The following TENM3 variants were observed in gnomAD, a reference collection of about 807,000 sequenced individuals.
The protein encoded by TENM3 is teneurin transmembrane protein 3, also known as teneurin-3.
In TENM3, 63 loss-of-function variants were observed where a neutral mutation model predicts 255.1. That is an observed-to-expected ratio of 0.25 (90% confidence interval 0.20 to 0.30). The LOEUF is 0.30. Among genes scored for constraint, TENM3 ranks in the 10% least tolerant of loss-of-function variants. The pLI is 1.00. For synonymous variants in TENM3, 1,306 were observed against 1,322.3 expected, an observed-to-expected ratio of 0.99 and a Z score of 0.27; for missense variants, 2,929 against 3,461.1, an observed-to-expected ratio of 0.85 and a Z score of 3.86.
chr4:181,873,098 C>T, the TENM3 span, among the ~76,000 whole-genome samples: 164 of 151,526 alleles, frequency 1.1e-3, 1 homozygote, highest in Non-Finnish European at 1.4e-3. Flanking sequence ...GATGGAGTAT[C>T]GCTTTGTCGC....
chr4:181,888,497 T>TATATATGTATATATATAC, the TENM3 span, among the ~76,000 whole-genome samples: 1 of 17,904 alleles, frequency 5.6e-5, no homozygotes, highest in Non-Finnish European at 1.1e-4. Flanking sequence ...GAAATGTGTA[T>TATATATGTATATATATAC]ATATATATAT....
At chr4:182,686,124 T>C (rs1756554830) in intron 11 of TENM3, among the ~76,000 whole-genome samples, 1 of 151,990 alleles carries the variant, frequency 6.6e-6, no homozygotes, top group African/African-American at 2.4e-5. Flanking sequence ...CATCTTGATA[T>C]CCTCAATGCA....
the TENM3 span, among the ~76,000 whole-genome samples, chr4:181,485,111 C>G: frequency 6.6e-6 from 1 of 152,110 alleles, no homozygotes; most frequent in South Asian, 2.1e-4. Context: ...ATTAATTTTT[C>G]TGAGTGAGAA....
chr4:182,669,517 T>G (rs2152545683), intron 6 of TENM3, among the ~76,000 whole-genome samples: 1 of 152,030 alleles, frequency 6.6e-6, no homozygotes, highest in South Asian at 2.1e-4. Flanking sequence ...TGATCCGCCC[T>G]CCTCAGCCTC....
chr4:181,871,592 T>C, the TENM3 span, among the ~76,000 whole-genome samples: 1 of 152,092 alleles, frequency 6.6e-6, no homozygotes, highest in Admixed American at 6.5e-5. Context: ...ATCCATACAA[T>C]GTTGAATAGA....
the TENM3 span, among the ~76,000 whole-genome samples, chr4:181,611,913 G>T: frequency 6.6e-6 from 1 of 152,318 alleles, no homozygotes; most frequent in South Asian, 2.1e-4. Flanking sequence ...GAAATCTCTT[G>T]GGTAGTGTGG....
At chr4:182,604,466 G>C (rs1183526830) in intron 4 of TENM3, among the ~76,000 whole-genome samples, 2 of 152,138 alleles carry the variant, frequency 1.3e-5, no homozygotes, top group Non-Finnish European at 2.9e-5. Flanking sequence ...CCTATAGCTT[G>C]CCCTTTGTTT....
At chr4:182,787,213 T>G (rs574604774) in intron 24 of TENM3, among the ~76,000 whole-genome samples, 16 of 152,284 alleles carry the variant, frequency 1.1e-4, no homozygotes, top group African/African-American at 3.9e-4. Flanking sequence ...CAGAATCGAA[T>G]AAAACTCACT....
chr4:182,023,289 A>G, the TENM3 span, among the ~76,000 whole-genome samples: 1 of 152,210 alleles, frequency 6.6e-6, no homozygotes, highest in African/African-American at 2.4e-5. Flanking sequence ...GCTTTGATAT[A>G]AGACACTTGG....
chr4:182,695,522 T>G (rs1757335200), intron 12 of TENM3, among the ~76,000 whole-genome samples: 1 of 152,152 alleles, frequency 6.6e-6, no homozygotes, highest in Non-Finnish European at 1.5e-5. Flanking sequence ...TTAGATTTAA[T>G]GGGATATGCA....
chr4:181,933,877 A>G, the TENM3 span, among the ~76,000 whole-genome samples: 2 of 152,118 alleles, frequency 1.3e-5, no homozygotes, highest in Admixed American at 6.5e-5. Flanking sequence ...TTTTTTGTGT[A>G]TTTTTAGGTG....
At chr4:182,448,378 C>T (rs1184140807) in intron 3 of TENM3, among the ~76,000 whole-genome samples, 5 of 151,722 alleles carry the variant, frequency 3.3e-5, no homozygotes, top group Non-Finnish European at 7.4e-5. Context: ...GCGACCGACC[C>T]CTCCCGCCCC....
chr4:182,726,676 G>A (rs932095232), intron 13 of TENM3, among the ~76,000 whole-genome samples: 7 of 152,302 alleles, frequency 4.6e-5, no homozygotes, highest in East Asian at 3.9e-4. Context: ...TTCATCTGTT[G>A]CCCAAAGAAA....
the TENM3 span, among the ~76,000 whole-genome samples, chr4:181,681,296 G>C: frequency 2.2e-4 from 33 of 151,742 alleles, no homozygotes; most frequent in Admixed American, 6.6e-4. Context: ...TTTTTTCGTA[G>C]AAATAACTAA....
At chr4:181,895,202 T>C in the TENM3 span, among the ~76,000 whole-genome samples, 1 of 152,070 alleles carries the variant, frequency 6.6e-6, no homozygotes, top group East Asian at 1.9e-4. Context: ...TCCCTGTCAG[T>C]GGAAATAATG....
intron 3 of TENM3, among the ~76,000 whole-genome samples, chr4:182,353,869 T>C (rs1025837766): frequency 2.6e-4 from 39 of 151,558 alleles, no homozygotes; most frequent in African/African-American, 9.0e-4. Context: ...GGGAGGCTGA[T>C]GCAGAGAATG....
chr4:181,507,958 A>G, the TENM3 span, among the ~76,000 whole-genome samples: 1 of 152,292 alleles, frequency 6.6e-6, no homozygotes, highest in Admixed American at 6.5e-5. Flanking sequence ...TGTAGCTTTT[A>G]TTGAAGAAAG....
chr4:181,632,552 A>C, the TENM3 span, among the ~76,000 whole-genome samples: 1 of 152,222 alleles, frequency 6.6e-6, no homozygotes, highest in African/African-American at 2.4e-5. Context: ...GGAAAATGAG[A>C]GGAGATCTAT....
intron 3 of TENM3, among the ~76,000 whole-genome samples, chr4:182,550,407 T>C (rs755740123): frequency 5.3e-5 from 8 of 152,198 alleles, no homozygotes; most frequent in Non-Finnish European, 8.8e-5. Context: ...GACTTAACAC[T>C]AGGGTCACAG....
Sources: allele counts gnomAD v4.1 joint callset (sites outside exome capture counted in the v4.1 genomes callset), GRCh38; gene constraint gnomAD v4.1.1; transcripts MANE v1.5; gene names NCBI Gene and HGNC (gene_info 2026-07-23, HGNC 2026-07-21).